IPMK: variants seen among roughly 807,000 people sequenced by gnomAD.
IPMK encodes the protein inositol polyphosphate multikinase.
In IPMK, 17 loss-of-function variants were observed where a neutral mutation model predicts 45.8. That is an observed-to-expected ratio of 0.37 (90% CI 0.25 to 0.56). The LOEUF is 0.56. Among genes scored for constraint, IPMK ranks in the 20% least tolerant of loss-of-function variants. The probability of loss-of-function intolerance (pLI) is 0.79; values close to 1 mark genes in which losing one functional copy is unlikely to be tolerated. For missense variants in IPMK, 399 were observed against 498.0 expected (o/e 0.80, Z 1.89); for synonymous variants, 180 against 184.3 (o/e 0.98, Z 0.19).
chr10:58,195,811 G>A lies in IPMK; in HGVS notation c.*265C>T. ...GAATAATGGTTTGCATTTTGCTTGA[G>A]CCAAAAAAGATGTTTAAGCCATGTA... is the stretch of plus-strand genomic sequence containing the variant. On this transcript the variant is annotated 3_prime_UTR_variant, in exon 6 of 6. Transcript: ENST00000373935. The A allele has an allele frequency of 3.0e-6, 1 of 337,354 alleles. No homozygotes were observed. Among genetic ancestry groups the A allele is most frequent in the Non-Finnish European group, 5.4e-6 (1 of 185,950 alleles). The allele number at this position is 337,354 out of a possible 1,614,324, so 20.9% of individuals were successfully genotyped here.
At chr10:58,254,223 C>A (rs1359543155) in intron 1 of IPMK, among the ~76,000 whole-genome samples, 1 of 151,742 alleles carries the variant, frequency 6.6e-6, no homozygotes, top group Non-Finnish European at 1.5e-5. Flanking sequence ...CCTCTTCATT[C>A]TTTATTCTTT....
At chr10:58,255,817 C>T (rs1446000864) in intron 1 of IPMK, among the ~76,000 whole-genome samples, 1 of 152,158 alleles carries the variant, frequency 6.6e-6, no homozygotes, top group Non-Finnish European at 1.5e-5. Flanking sequence ...AACAGAAGAA[C>T]ATAAATTGTG....
At chr10:58,208,101 C>G (rs11006079) in intron 4 of IPMK, among the ~76,000 whole-genome samples, 2 of 151,800 alleles carry the variant, frequency 1.3e-5, no homozygotes, top group African/African-American at 4.8e-5. Context: ...CCACCACGCC[C>G]GGCTAATTTT....
chr10:58,211,990 T>G (rs528092913), intron 4 of IPMK, among the ~76,000 whole-genome samples: 51 of 151,590 alleles, frequency 3.4e-4, no homozygotes, highest in African/African-American at 1.2e-3. Flanking sequence ...TTTTGTGGGG[T>G]TTTTTTCCCC....
At chr10:58,257,847 TATC>T (rs1229542465) in intron 1 of IPMK, among the ~76,000 whole-genome samples, 1 of 152,096 alleles carries the variant, frequency 6.6e-6, no homozygotes, top group Non-Finnish European at 1.5e-5. Context: ...AAGAGAGACA[TATC>T]ATAACAATAA....
At chr10:58,264,487 T>C (rs1172242635) in intron 1 of IPMK, among the ~76,000 whole-genome samples, 1 of 152,182 alleles carries the variant, frequency 6.6e-6, no homozygotes, top group Non-Finnish European at 1.5e-5. Context: ...ATTTCCATCA[T>C]TTGTTTAAAA....
rs779654611 is a variant in IPMK, at chr10:58,227,106, G to T, written c.310C>A (p.Leu104Ile). 1 of 1,613,208 alleles carries T rather than the reference G, an allele frequency of 6.2e-7. No homozygotes were observed. The highest frequency in any genetic ancestry group is 1.7e-5 in the Admixed American group (1 of 59,990). Residue 104 changes from leucine to isoleucine, a missense_variant, in exon 3 of 6, where the codon CTA becomes ATA. This residue lies in a region of IPMK where 288 missense variants were observed against 398.0 expected (regional missense o/e 0.72). Coordinates refer to ENST00000373935, the MANE Select transcript of IPMK (RefSeq NM_152230.5). The part of the protein sequence containing the change: ...YAADCFDGVL[L>I]ELRKYLPKYY... ...TTTGGCAAATATTTTCGTAGCTCTA[G>T]AAGAACACCATCAAAACAGTCAGCA...
chr10:58,264,068 T>C (rs1238053156), intron 1 of IPMK, among the ~76,000 whole-genome samples: 2 of 152,238 alleles, frequency 1.3e-5, no homozygotes, highest in Non-Finnish European at 2.9e-5. Context: ...AGTGAGACTA[T>C]GGACTATAGA....
chr10:58,225,173 C>T (rs776981100), intron 3 of IPMK, among the ~76,000 whole-genome samples: 6 of 152,150 alleles, frequency 3.9e-5, no homozygotes, highest in South Asian at 4.1e-4. Context: ...TTCATCCTCT[C>T]ATCTTAGGAG....
intron 3 of IPMK, among the ~76,000 whole-genome samples, chr10:58,225,817 C>T (rs994882969): frequency 5.9e-5 from 9 of 152,012 alleles, no homozygotes; most frequent in Admixed American, 3.9e-4. Context: ...CTGAAAACTT[C>T]CACTTACAGC....
chr10:58,244,759 C>A (rs1303276329), intron 1 of IPMK, among the ~76,000 whole-genome samples: 1 of 152,156 alleles, frequency 6.6e-6, no homozygotes, highest in East Asian at 1.9e-4. Context: ...CCCCTGCTCT[C>A]TGAAACATGT....
At position 58,191,609 on chromosome 10, in the gene IPMK, G is replaced by T. The variant is rs879595426; in HGVS notation, c.*4467C>A. 1 of 151,854 alleles carries T rather than the reference G, an allele frequency of 6.6e-6. No individual in the cohort carries two copies. The highest frequency in any genetic ancestry group is 1.5e-5 in the Non-Finnish European group (1 of 67,906). 9.4% of individuals were successfully genotyped at this position (151,854 alleles called of 1,614,324 possible). ...TAAAAATTGGTATATCACATTAGAT[G>T]ATTCTATAAAATAAAAACACAAATC... On this transcript the variant is annotated 3_prime_UTR_variant, in exon 6 of 6. Transcript: ENST00000373935.
intron 1 of IPMK, among the ~76,000 whole-genome samples, chr10:58,244,252 T>G (rs1234240661): frequency 7.2e-6 from 1 of 139,152 alleles, no homozygotes; most frequent in Non-Finnish European, 1.5e-5. Context: ...GCCCTTGGTC[T>G]GGGAGGTGGG....
intron 3 of IPMK, 92 bp from the exon 4 acceptor site, chr10:58,216,409 AC>A (rs1838245257): frequency 5.5e-6 from 3 of 550,314 alleles, no homozygotes; most frequent in Non-Finnish European, 8.7e-6. Context: ...AAATCCTAAA[AC>A]AGAGAAAAAA....
intron 2 of IPMK, among the ~76,000 whole-genome samples, chr10:58,229,483 A>C (rs1458504481): frequency 6.9e-6 from 1 of 144,414 alleles, no homozygotes; most frequent in Admixed American, 7.1e-5. Flanking sequence ...GAATCACTTG[A>C]ACCTGGGAGG....
At chr10:58,249,712 T>C (rs1193912434) in intron 1 of IPMK, among the ~76,000 whole-genome samples, 2 of 152,196 alleles carry the variant, frequency 1.3e-5, no homozygotes, top group Non-Finnish European at 2.9e-5. Flanking sequence ...TGTAACCCCA[T>C]TTGTATGTCT....
chr10:58,218,810 C>G (rs1434789966), intron 3 of IPMK, among the ~76,000 whole-genome samples: 1 of 152,172 alleles, frequency 6.6e-6, no homozygotes, highest in Admixed American at 6.5e-5. Context: ...GAAATAAAAT[C>G]TCCTATCTCT....
Position 58,196,571 on chromosome 10 carries a change from T to C in IPMK, c.756A>G (p.Ser252=), listed in dbSNP as rs1483221630. The stretch of plus-strand genomic sequence containing the variant: ...ATGAACCTTCATAAACAAAGAGTAA[T>C]GAACTTGCGTAAAAATTAAGCTGCT... ...NQKQLNFYAS[S]LLFVYEGSSQ... The change falls in exon 6 of 6, where the codon TCA becomes TCG. Residue 252 remains serine (S), a synonymous_variant. Coordinates refer to ENST00000373935, the MANE Select transcript of IPMK (RefSeq NM_152230.5). The C allele has an allele frequency of 1.9e-6, 3 of 1,613,972 alleles. No homozygotes were observed. In the African/African-American group the frequency reaches 4.0e-5, roughly 22 times the overall value.
intron 2 of IPMK, among the ~76,000 whole-genome samples, chr10:58,232,878 A>G (rs1158612512): frequency 2.6e-5 from 4 of 152,230 alleles, no homozygotes; most frequent in African/African-American, 9.6e-5. Flanking sequence ...CAAATAATCA[A>G]TGAATCCAGG....
Sources: gnomAD v4.1 joint callset for allele counts (sites outside exome capture counted in the v4.1 genomes callset) on GRCh38, gnomAD v4.1.1 for gene constraint, gnomAD v4.1.1 regional missense constraint, MANE v1.5 for transcripts, NCBI Gene and HGNC (gene_info 2026-07-23, HGNC 2026-07-21) for gene names.